The following PCDHA5 variants were observed in gnomAD, a reference collection of about 807,000 sequenced individuals.
The protein encoded by PCDHA5 is protocadherin alpha-5.
In PCDHA5, 43 loss-of-function variants were observed where a neutral mutation model predicts 61.6. The observed-to-expected ratio is 0.70, with a 90% CI of 0.55 to 0.90. The LOEUF (loss-of-function observed/expected upper bound fraction) is 0.90. PCDHA5 is among the 40% of genes least tolerant of loss of function. The pLI is 0.00. For missense variants in PCDHA5, 1,298 were observed against 1,222.7 expected (o/e 1.06, Z -0.92); for synonymous variants, 627 against 543.9 (o/e 1.15, Z -2.13).
Position 140,843,405 on chromosome 5 carries a change from A to T in PCDHA5, c.2352+19278A>T. On this transcript the variant is annotated intron_variant, in intron 1 of 3. Transcript: ENST00000529859. ...TTGGGTCCGGAAGCGGCGCTGGTGG[A>T]TGTCAACGTGTACCTGATCATCGCC... The T allele has an allele frequency of 1.4e-5, 23 of 1,595,948 alleles. 2 individuals are homozygous for T. The highest frequency in any genetic ancestry group is 2.0e-5 in the Non-Finnish European group (23 of 1,165,558).
At chr5:140,938,538 AT>A (rs1278860544) in intron 1 of PCDHA5, among the ~76,000 whole-genome samples, 1 of 135,490 alleles carries the variant, frequency 7.4e-6, no homozygotes, top group Non-Finnish European at 1.6e-5. Context: ...GATAATATGG[AT>A]TTTTATCCTT....
At chr5:140,873,044 A>G (rs115529200) in intron 1 of PCDHA5, among the ~76,000 whole-genome samples, 15 of 152,172 alleles carry the variant, frequency 9.9e-5, no homozygotes, top group Non-Finnish European at 1.8e-4. Flanking sequence ...GAGTGGTGGT[A>G]TTACAGACTT....
intron 1 of PCDHA5, among the ~76,000 whole-genome samples, chr5:140,950,234 T>C (rs1423756424): frequency 1.3e-5 from 2 of 152,028 alleles, no homozygotes; most frequent in Non-Finnish European, 2.9e-5. Flanking sequence ...TCTAGTGCCA[T>C]TAATTTGTTC....
At chr5:140,904,125 C>G (rs2070849198) in intron 1 of PCDHA5, among the ~76,000 whole-genome samples, 1 of 151,972 alleles carries the variant, frequency 6.6e-6, no homozygotes, top group East Asian at 1.9e-4. Flanking sequence ...TTTTGGTGCA[C>G]CCATCACCCG....
intron 1 of PCDHA5, among the ~76,000 whole-genome samples, chr5:140,908,777 TCTC>T (rs2074149319): frequency 6.6e-6 from 1 of 152,144 alleles, no homozygotes; most frequent in African/African-American, 2.4e-5. Flanking sequence ...TGTAGAGTCT[TCTC>T]CTGTTCTGTA....
At chr5:140,927,301 C>A in intron 1 of PCDHA5, 3 of 1,614,204 alleles carry the variant, frequency 1.9e-6, no homozygotes, top group Non-Finnish European at 2.5e-6. Context: ...CCCCGAGTTC[C>A]TGACGCCCGG....
chr5:140,967,997 C>T (rs551685820), intron 1 of PCDHA5: 1 of 1,614,102 alleles, frequency 6.2e-7, no homozygotes, highest in Non-Finnish European at 8.5e-7. Flanking sequence ...ACTGCCTTTC[C>T]GACTGAATGG....
In PCDHA5 at chr5:140,822,764, C is replaced by T; in HGVS notation, c.989C>T (p.Ser330Leu). The change falls in exon 1 of 4, where the codon TCA (serine) becomes TTA (leucine). Residue 330 changes from serine to leucine, a missense_variant. Physicochemically the swap from Ser to Leu is moderately radical, Grantham distance 145. Coordinates refer to ENST00000529859, the MANE Select transcript of PCDHA5 (RefSeq NM_018908.3). ...ATGGATAAAAGTACATTCCCATTAT[C>T]AGGACACTGTAAAGTAGTAGTGAAA... Reference protein sequence around the residue: ...DAMDKSTFPLSGHCKVVVKLL... With the variant: ...DAMDKSTFPLLGHCKVVVKLL... 6.2e-7 allele frequency: 1 copy of T among 1,613,898 alleles called. No individual in the cohort carries two copies. The highest frequency in any genetic ancestry group is 1.7e-5 in the Admixed American group (1 of 60,028).
At chr5:140,874,134 C>T (rs2054725501) in intron 1 of PCDHA5, among the ~76,000 whole-genome samples, 1 of 152,122 alleles carries the variant, frequency 6.6e-6, no homozygotes, top group African/African-American at 2.4e-5. Flanking sequence ...TTTAAGTTAT[C>T]TTATACTTGT....
chr5:140,909,516 C>G (rs1213307040), intron 1 of PCDHA5, among the ~76,000 whole-genome samples: 1 of 152,152 alleles, frequency 6.6e-6, no homozygotes, highest in Non-Finnish European at 1.5e-5. Context: ...GAATCACAAC[C>G]CCTGCACATT....
intron 3 of PCDHA5, among the ~76,000 whole-genome samples, chr5:140,993,009 G>C (rs1228975075): frequency 3.9e-5 from 6 of 152,172 alleles, no homozygotes; most frequent in Non-Finnish European, 8.8e-5. Flanking sequence ...CCTCCCCAGA[G>C]TCCAGCATCC....
rs782807362 is a variant in PCDHA5 at position 140,884,482 on chromosome 5, T to G, written c.2352+60355T>G. ...GCGCGTGCGCGCCGGGCAAGCCCACTCTAGTGTGCTCCAGCGCGGCAGGGA... is the reference window on the plus strand; with the variant it reads ...GCGCGTGCGCGCCGGGCAAGCCCACGCTAGTGTGCTCCAGCGCGGCAGGGA... On this transcript the variant is annotated intron_variant, in intron 1 of 3. Transcript: ENST00000529859. 1.6e-5 allele frequency: 26 copies of G among 1,613,830 alleles called. No homozygotes were observed. In the East Asian group the frequency reaches 4.5e-4, roughly 28 times the overall value.
chr5:140,827,890 T>G, intron 1 of PCDHA5: 1 of 710,840 alleles, frequency 1.4e-6, no homozygotes, highest in Non-Finnish European at 2.3e-6. Context: ...ATTGATTTCT[T>G]ACCTTTTGGA....
At chr5:140,877,153 A>C in intron 1 of PCDHA5, 1 of 1,613,798 alleles carries the variant, frequency 6.2e-7, no homozygotes, top group Non-Finnish European at 8.5e-7. Flanking sequence ...CGAGAACGAC[A>C]ACGCGCCGGC....
At chr5:140,848,383 C>A in intron 1 of PCDHA5, 1 of 1,197,372 alleles carries the variant, frequency 8.4e-7, no homozygotes, top group Non-Finnish European at 1.2e-6. Flanking sequence ...TTCTTTTTCA[C>A]TCTCTCTGTG....
At position 140,933,888 on chromosome 5, in the gene PCDHA5, T is replaced by C. The variant is rs148048721; in HGVS notation, c.2353-45061T>C. On this transcript the variant is annotated intron_variant, in intron 1 of 3. Transcript: ENST00000529859. ...ATATATGTTAGTTTTATCTGTACTTTTGAATATTTTGGCATAAAGTTGTTT... is the reference window on the plus strand; with the variant it reads ...ATATATGTTAGTTTTATCTGTACTTCTGAATATTTTGGCATAAAGTTGTTT... Among the ~76,000 whole-genome samples the C allele has an allele frequency of 7.7e-3, 1,170 of 152,222 alleles. 4 individuals are homozygous for C. Among genetic ancestry groups the C allele is most frequent in the Admixed American group, 0.013 (200 of 15,288 alleles).
At chr5:140,997,720 G>C (rs973128921) in intron 3 of PCDHA5, among the ~76,000 whole-genome samples, 1 of 151,568 alleles carries the variant, frequency 6.6e-6, no homozygotes, top group African/African-American at 2.4e-5. Flanking sequence ...ACCTTTCTAC[G>C]TCAGTACATA....
intron 1 of PCDHA5, chr5:140,862,887 G>C (rs781965401): frequency 2.7e-5 from 15 of 562,992 alleles, no homozygotes; most frequent in South Asian, 1.8e-4. Flanking sequence ...GTGCTGGAAC[G>C]ACAACTTTGT....
chr5:140,928,896 A>G, intron 1 of PCDHA5: 3 of 1,614,108 alleles, frequency 1.9e-6, no homozygotes, highest in Non-Finnish European at 2.5e-6. Context: ...CAGACTTTGA[A>G]GATGTCTGGG....
Sources: gnomAD v4.1 joint callset for allele counts (sites outside exome capture counted in the v4.1 genomes callset) on GRCh38, gnomAD v4.1.1 for gene constraint, MANE v1.5 for transcripts, NCBI Gene and HGNC (gene_info 2026-07-23, HGNC 2026-07-21) for gene names.